COL9A1: variants seen among roughly 807,000 people sequenced by gnomAD.
COL9A1 encodes the protein collagen type IX alpha 1 chain.
In COL9A1, 104 loss-of-function variants were observed where a neutral mutation model predicts 142.6. That is an observed-to-expected ratio of 0.73 (90% CI 0.62 to 0.86). COL9A1 has a LOEUF of 0.86. Ranked by LOEUF, COL9A1 falls within the 40% of genes least tolerant of loss-of-function variation. COL9A1 has a pLI of 0.00. For synonymous variants in COL9A1, 466 were observed against 396.0 expected (o/e 1.18, Z -2.10); for missense variants, 1,210 against 1,176.6 (o/e 1.03, Z -0.42).
intron 10 of COL9A1, among the ~76,000 whole-genome samples, chr6:70,277,462 T>G (rs558161605): frequency 6.6e-6 from 1 of 152,288 alleles, no homozygotes; most frequent in Non-Finnish European, 1.5e-5. Flanking sequence ...CTCCTAATTC[T>G]TATTTCAAAG....
chr6:70,281,889 A>G (rs953862720), intron 7 of COL9A1, among the ~76,000 whole-genome samples: 2 of 151,898 alleles, frequency 1.3e-5, no homozygotes, highest in Admixed American at 1.3e-4. Flanking sequence ...AAGAACAGAG[A>G]CTCCACACCA....
intron 20 of COL9A1, among the ~76,000 whole-genome samples, chr6:70,257,101 C>T (rs1049350417): frequency 3.0e-5 from 4 of 133,394 alleles, no homozygotes; most frequent in African/African-American, 1.1e-4. Context: ...GCTCTTGTTG[C>T]CCAGGCTGGA....
chr6:70,261,866 T>A (rs917777524), intron 19 of COL9A1, among the ~76,000 whole-genome samples: 3 of 152,350 alleles, frequency 2.0e-5, no homozygotes, highest in African/African-American at 7.2e-5. Context: ...TTTTTCTAAA[T>A]ATTCCAAGAA....
At chr6:70,293,149 T>C (rs912860072) in intron 5 of COL9A1, among the ~76,000 whole-genome samples, 1 of 152,166 alleles carries the variant, frequency 6.6e-6, no homozygotes, top group African/African-American at 2.4e-5. Context: ...CTCCGTGATA[T>C]GGGTTTTGTG....
chr6:70,285,441 T>C (rs536626582), intron 5 of COL9A1, among the ~76,000 whole-genome samples: 1 of 152,390 alleles, frequency 6.6e-6, no homozygotes, highest in South Asian at 2.1e-4. Flanking sequence ...GTTATACATG[T>C]AAAATGCTGA....
intron 10 of COL9A1, among the ~76,000 whole-genome samples, chr6:70,275,378 G>A (rs941049387): frequency 6.6e-6 from 1 of 151,986 alleles, no homozygotes; most frequent in African/African-American, 2.4e-5. Context: ...ACATTTGAAA[G>A]CATGCATGTT....
intron 33 of COL9A1, among the ~76,000 whole-genome samples, chr6:70,235,325 T>C (rs772214313): frequency 6.6e-6 from 1 of 152,070 alleles, no homozygotes; most frequent in Non-Finnish European, 1.5e-5. Context: ...TGGTGGTGCA[T>C]GCCTGTTGTC....
chr6:70,287,204 A>G (rs1362168818), intron 5 of COL9A1, among the ~76,000 whole-genome samples: 1 of 152,160 alleles, frequency 6.6e-6, no homozygotes, highest in Non-Finnish European at 1.5e-5. Context: ...TTACAACAAC[A>G]AGTCCCAAGG....
chr6:70,217,222 G>GTGATGA (rs956682163), intron 37 of COL9A1, 141 bp from the exon 38 acceptor site: 5 of 720,254 alleles, frequency 6.9e-6, no homozygotes, highest in African/African-American at 3.5e-5. Flanking sequence ...GTGATGATTG[G>GTGATGA]TGATGATGAT....
intron 21 of COL9A1, among the ~76,000 whole-genome samples, chr6:70,256,334 G>A (rs1014907036): frequency 2.0e-5 from 3 of 151,922 alleles, no homozygotes; most frequent in African/African-American, 7.2e-5. Context: ...TGGCTTTTTT[G>A]TCTATTTCCC....
chr6:70,241,846 A>T, intron 30 of COL9A1, 118 bp downstream of exon 30: 1 of 839,086 alleles, frequency 1.2e-6, no homozygotes, highest in South Asian at 1.5e-5. Context: ...CTTTCTTGAT[A>T]GCTGTTTATG....
Position 70,270,386 on chromosome 6 carries a change from G to A in COL9A1, c.1144-19C>T, listed in dbSNP as rs754848587. 4.3e-6 allele frequency: 7 copies of A among 1,612,310 alleles called. No homozygotes were observed. The highest frequency in any genetic ancestry group is 1.7e-5 in the Admixed American group (1 of 59,942). On this transcript the variant is annotated intron_variant, in intron 14 of 37. Transcript: ENST00000357250. The stretch of plus-strand genomic sequence containing the variant: ...GGTCACCCTAAGTTATTTGAAAATT[G>A]CGACACAGTGGTTATACATGTGTCA...
chr6:70,223,227 T>A (rs1768998230), intron 37 of COL9A1, among the ~76,000 whole-genome samples: 1 of 152,004 alleles, frequency 6.6e-6, no homozygotes, highest in Non-Finnish European at 1.5e-5. Context: ...TGATCCACCT[T>A]AAAAAGCAAA....
intron 18 of COL9A1, among the ~76,000 whole-genome samples, chr6:70,264,224 A>G (rs1218562936): frequency 1.3e-5 from 2 of 151,906 alleles, no homozygotes. Flanking sequence ...AGATTTCCTA[A>G]ATGTTTACTC....
At chr6:70,263,440 G>A (rs975053088) in intron 18 of COL9A1, 143 bp from the exon 19 acceptor site, 2 of 623,768 alleles carry the variant, frequency 3.2e-6, no homozygotes, top group South Asian at 2.7e-5. Flanking sequence ...TATTTATATG[G>A]GTAGTCCAAA....
Position 70,303,029 on chromosome 6 carries a change from T to C in COL9A1, c.-105A>G. ...CCTTCACTGTTACCCTAGGACTATG[T>C]GTTCTGGGCCCAGCCTTGGTCCCTC... is the stretch of plus-strand genomic sequence containing the variant. On this transcript the variant is annotated 5_prime_UTR_variant, in exon 1 of 38. Transcript: ENST00000357250. 1 of 1,251,482 alleles carries C rather than the reference T, an allele frequency of 8.0e-7. No individual in the cohort carries two copies. The highest frequency in any genetic ancestry group is 1.2e-6 in the Non-Finnish European group (1 of 849,994). 77.5% of individuals were successfully genotyped at this position (1,251,482 alleles called of 1,614,324 possible). A position where few individuals can be genotyped will look rare whatever the true frequency, so the allele number is the denominator to read the frequency against.
intron 28 of COL9A1, among the ~76,000 whole-genome samples, chr6:70,248,669 T>A (rs1770743024): frequency 6.6e-6 from 1 of 152,168 alleles, no homozygotes; most frequent in Admixed American, 6.5e-5. Flanking sequence ...TTATAGCAGG[T>A]GAGAAGTCAG....
chr6:70,280,240 G>A, intron 10 of COL9A1: 1 of 1,198,624 alleles, frequency 8.3e-7, no homozygotes, highest in Non-Finnish European at 1.1e-6. Context: ...AAACTCCATG[G>A]AAAGACGAAA....
chr6:70,239,740 A>AAAAT (rs1282328087), intron 32 of COL9A1, among the ~76,000 whole-genome samples: 1 of 152,250 alleles, frequency 6.6e-6, no homozygotes, highest in Non-Finnish European at 1.5e-5. Flanking sequence ...TATGCTTTAA[A>AAAAT]AAATAAACAT....
Sources: allele counts gnomAD v4.1 joint callset (sites outside exome capture counted in the v4.1 genomes callset), GRCh38; gene constraint gnomAD v4.1.1; transcripts MANE v1.5; gene names NCBI Gene and HGNC (gene_info 2026-07-23, HGNC 2026-07-21).